Variants in DLG2 observed in about 807,000 individuals in gnomAD.
The protein encoded by DLG2 is disks large homolog 2.
DLG2 carries 45 observed loss-of-function variants against 132.5 expected under a neutral mutation model. That is an observed-to-expected ratio of 0.34 (90% confidence interval 0.27 to 0.44). The LOEUF (loss-of-function observed/expected upper bound fraction) is 0.44, where lower values mean the gene tolerates loss of function less well. Ranked by LOEUF, DLG2 falls within the 20% of genes least tolerant of loss-of-function variation. DLG2 has a pLI of 1.00. For missense variants in DLG2, 1,045 were observed against 1,196.9 expected (o/e 0.87, Z 1.87); for synonymous variants, 424 against 419.6 (o/e 1.01, Z -0.13).
intron 6 of DLG2, among the ~76,000 whole-genome samples, chr11:85,059,305 A>G (rs1407202162): frequency 2.6e-5 from 4 of 151,530 alleles, no homozygotes; most frequent in Admixed American, 2.6e-4. Context: ...AGTAACATAC[A>G]TTGCTGGTGG....
chr11:84,355,658 T>C (rs140691948), intron 7 of DLG2, among the ~76,000 whole-genome samples: 74 of 152,106 alleles, frequency 4.9e-4, no homozygotes, highest in African/African-American at 1.6e-3. Context: ...CTTTAGAGAG[T>C]CATTAGTACA....
intron 2 of DLG2, among the ~76,000 whole-genome samples, chr11:85,618,010 G>A (rs1292996206): frequency 2.0e-5 from 3 of 152,126 alleles, no homozygotes; most frequent in Non-Finnish European, 4.4e-5. Flanking sequence ...AATAAAGGAG[G>A]TCAGGAGAAT....
chr11:84,796,657 T>G (rs2153950068), intron 6 of DLG2, among the ~76,000 whole-genome samples: 1 of 150,608 alleles, frequency 6.6e-6, no homozygotes, highest in East Asian at 1.9e-4. Context: ...AAGATATTTT[T>G]GCGGATAAAC....
At chr11:85,461,337 G>C (rs1448452189) in intron 3 of DLG2, among the ~76,000 whole-genome samples, 1 of 152,166 alleles carries the variant, frequency 6.6e-6, no homozygotes, top group Non-Finnish European at 1.5e-5. Context: ...ATACAGTTGA[G>C]GGAGAAAATA....
chr11:84,842,933 A>G (rs2080892542), intron 6 of DLG2, among the ~76,000 whole-genome samples: 1 of 151,960 alleles, frequency 6.6e-6, no homozygotes, highest in African/African-American at 2.4e-5. Flanking sequence ...GTAAGTGGCA[A>G]GGGCTCTGGA....
At chr11:84,249,419 T>A (rs1041305444) in intron 8 of DLG2, among the ~76,000 whole-genome samples, 1 of 152,218 alleles carries the variant, frequency 6.6e-6, no homozygotes, top group Non-Finnish European at 1.5e-5. Context: ...GGTAACAGCA[T>A]GTTAGAAATT....
intron 16 of DLG2, among the ~76,000 whole-genome samples, chr11:83,836,680 T>C (rs1281025678): frequency 2.0e-5 from 3 of 152,156 alleles, no homozygotes; most frequent in Admixed American, 1.3e-4. Context: ...AGGAGGTAGA[T>C]ATCATGGGTC....
chr11:85,377,421 T>C (rs2085491489), intron 3 of DLG2, among the ~76,000 whole-genome samples: 1 of 152,092 alleles, frequency 6.6e-6, no homozygotes. Flanking sequence ...GAGATGAGAA[T>C]GGGAGCAAGC....
chr11:85,203,704 C>T (rs1428281321), intron 4 of DLG2, among the ~76,000 whole-genome samples: 1 of 151,936 alleles, frequency 6.6e-6, no homozygotes, highest in African/African-American at 2.4e-5. Context: ...CCAGCATTAC[C>T]CTAGTAACAG....
At chr11:85,469,497 T>A (rs1565538782) in intron 3 of DLG2, 1 of 152,210 alleles carries the variant, frequency 6.6e-6, no homozygotes, top group Non-Finnish European at 1.5e-5. Context: ...TTAAGCTACC[T>A]AATGAGGGAA....
intron 3 of DLG2, among the ~76,000 whole-genome samples, chr11:85,406,875 A>G (rs1028657973): frequency 6.6e-6 from 1 of 151,944 alleles, no homozygotes; most frequent in African/African-American, 2.4e-5. Context: ...AGGAAATGAA[A>G]ATGAGGAACA....
At chr11:84,259,158 C>G (rs935424795) in intron 7 of DLG2, among the ~76,000 whole-genome samples, 2 of 150,966 alleles carry the variant, frequency 1.3e-5, no homozygotes, top group Non-Finnish European at 2.9e-5. Flanking sequence ...TGTAACCCAG[C>G]TACTTGGGAG....
chr11:85,257,908 C>G (rs2076749480), intron 4 of DLG2, among the ~76,000 whole-genome samples: 1 of 152,012 alleles, frequency 6.6e-6, no homozygotes, highest in Admixed American at 6.6e-5. Flanking sequence ...TGAAATTTAC[C>G]AAAGGCCATA....
chr11:84,460,700 T>TA (rs2099078096), intron 7 of DLG2, among the ~76,000 whole-genome samples: 1 of 150,796 alleles, frequency 6.6e-6, no homozygotes. Context: ...TAATTTTATT[T>TA]AAGTCTCAGA....
intron 3 of DLG2, among the ~76,000 whole-genome samples, chr11:85,508,155 C>T (rs2093978001): frequency 6.6e-6 from 1 of 152,076 alleles, no homozygotes; most frequent in African/African-American, 2.4e-5. Flanking sequence ...TTCAAATATC[C>T]TCCTTTAGCT....
chr11:83,872,933 C>T (rs1026629005), intron 16 of DLG2, among the ~76,000 whole-genome samples: 1 of 152,168 alleles, frequency 6.6e-6, no homozygotes, highest in Non-Finnish European at 1.5e-5. Flanking sequence ...TGCACATGGA[C>T]CTCTAGTACC....
At chr11:85,583,351 C>CTGT (rs142014047) in intron 3 of DLG2, among the ~76,000 whole-genome samples, 20 of 148,396 alleles carry the variant, frequency 1.3e-4, no homozygotes, top group Non-Finnish European at 2.5e-4. Flanking sequence ...GTTGTTGCTC[C>CTGT]TGTTGTTGTT....
chr11:83,801,296 A>ACTCCTCCCACC (rs1194030221), intron 17 of DLG2, among the ~76,000 whole-genome samples: 1 of 149,314 alleles, frequency 6.7e-6, no homozygotes, highest in Non-Finnish European at 1.5e-5. Context: ...TCTGTGGCCC[A>ACTCCTCCCACC]CTCCTCCCAC....
At chr11:85,352,491 T>G (rs982731566) in intron 3 of DLG2, among the ~76,000 whole-genome samples, 2 of 152,228 alleles carry the variant, frequency 1.3e-5, no homozygotes, top group African/African-American at 4.8e-5. Context: ...TTCTTTTAAC[T>G]GTGATGTTAG....
Sources: gnomAD v4.1 joint callset for allele counts (sites outside exome capture counted in the v4.1 genomes callset) on GRCh38, gnomAD v4.1.1 for gene constraint, MANE v1.5 for transcripts, NCBI Gene and HGNC (gene_info 2026-07-23, HGNC 2026-07-21) for gene names.